The following TENM3 variants were observed in gnomAD, a reference collection of about 807,000 sequenced individuals.
TENM3 encodes teneurin transmembrane protein 3.
TENM3 carries 63 observed loss-of-function variants against 255.1 expected under a neutral mutation model. The observed-to-expected ratio is 0.25, with a 90% CI of 0.20 to 0.30. TENM3 has a LOEUF of 0.30. Among genes scored for constraint, TENM3 ranks in the 10% least tolerant of loss-of-function variants. The probability of loss-of-function intolerance (pLI) is 1.00; values close to 1 mark genes in which losing one functional copy is unlikely to be tolerated. For synonymous variants in TENM3, 1,306 were observed against 1,322.3 expected, an observed-to-expected ratio of 0.99 and a Z score of 0.27; for missense variants, 2,929 against 3,461.1, an observed-to-expected ratio of 0.85 and a Z score of 3.86.
At chr4:181,689,532 T>G in the TENM3 span, among the ~76,000 whole-genome samples, 1 of 152,144 alleles carries the variant, frequency 6.6e-6, no homozygotes, top group African/African-American at 2.4e-5. Context: ...CGGGGTACAA[T>G]TCTGGTGAAG....
chr4:182,720,451 A>T (rs1346697027), intron 13 of TENM3, among the ~76,000 whole-genome samples: 3 of 152,130 alleles, frequency 2.0e-5, no homozygotes, highest in Non-Finnish European at 2.9e-5. Flanking sequence ...ACAGTCTCAG[A>T]GCATTACCCT....
the TENM3 span, among the ~76,000 whole-genome samples, chr4:181,849,749 T>C: frequency 1.3e-5 from 2 of 152,232 alleles, no homozygotes; most frequent in African/African-American, 2.4e-5. Flanking sequence ...TCTTAGAAGA[T>C]TCTGAAATAC....
At chr4:182,770,343 C>T (rs917387013) in intron 22 of TENM3, among the ~76,000 whole-genome samples, 2 of 152,100 alleles carry the variant, frequency 1.3e-5, no homozygotes, top group Admixed American at 6.5e-5. Context: ...TTTAAACCTT[C>T]TTCAGCACCT....
chr4:182,116,870 C>T, the TENM3 span, among the ~76,000 whole-genome samples: 2 of 152,118 alleles, frequency 1.3e-5, no homozygotes, highest in African/African-American at 4.8e-5. Flanking sequence ...AAGAAATGAA[C>T]AAACTGTTTT....
intron 1 of TENM3, among the ~76,000 whole-genome samples, chr4:182,296,846 C>A (rs1761530312): frequency 6.6e-6 from 1 of 152,032 alleles, no homozygotes; most frequent in Admixed American, 6.5e-5. Context: ...TGCTAATTTG[C>A]CCTTAGTTTT....
intron 1 of TENM3, among the ~76,000 whole-genome samples, chr4:182,209,798 G>C (rs1442887648): frequency 6.6e-6 from 1 of 151,996 alleles, no homozygotes; most frequent in Non-Finnish European, 1.5e-5. Context: ...GCAGCCCGTG[G>C]GGGTACTGAT....
the TENM3 span, among the ~76,000 whole-genome samples, chr4:181,674,869 C>T: frequency 6.6e-6 from 1 of 152,054 alleles, no homozygotes; most frequent in African/African-American, 2.4e-5. Flanking sequence ...ATATGTATTG[C>T]ATAGTGATCA....
chr4:182,227,583 C>A (rs906492076), intron 1 of TENM3, among the ~76,000 whole-genome samples: 2 of 151,398 alleles, frequency 1.3e-5, no homozygotes, highest in African/African-American at 4.9e-5. Flanking sequence ...ATGAAACTAG[C>A]TACTAAGAAG....
the TENM3 span, among the ~76,000 whole-genome samples, chr4:181,539,419 T>A: frequency 2.6e-5 from 4 of 152,160 alleles, no homozygotes; most frequent in Admixed American, 2.6e-4. Context: ...CAAAAGTAAT[T>A]TTGAAAAATA....
chr4:182,027,571 C>T, the TENM3 span, among the ~76,000 whole-genome samples: 1 of 149,070 alleles, frequency 6.7e-6, no homozygotes, highest in Non-Finnish European at 1.5e-5. Context: ...AAAGGCTTTC[C>T]TTTTTTTTTT....
At chr4:181,546,657 C>A in the TENM3 span, among the ~76,000 whole-genome samples, 2 of 130,902 alleles carry the variant, frequency 1.5e-5, no homozygotes, top group South Asian at 2.7e-4. Flanking sequence ...GAGCTTGCAG[C>A]GAGCCGAGAT....
At chr4:182,593,764 C>T (rs538049339) in intron 3 of TENM3, among the ~76,000 whole-genome samples, 27 of 152,280 alleles carry the variant, frequency 1.8e-4, no homozygotes, top group Middle Eastern at 6.8e-3. Flanking sequence ...CCACATGAAC[C>T]GAGCACACAC....
the TENM3 span, among the ~76,000 whole-genome samples, chr4:181,475,166 T>C: frequency 6.6e-6 from 1 of 152,208 alleles, no homozygotes; most frequent in Admixed American, 6.5e-5. Flanking sequence ...ATCTCTAATA[T>C]ATGTCAATGA....
chr4:182,074,377 A>T, the TENM3 span, among the ~76,000 whole-genome samples: 37 of 152,282 alleles, frequency 2.4e-4, no homozygotes, highest in African/African-American at 8.9e-4. Context: ...TATAGCATCT[A>T]CCTGCCTTTG....
In TENM3 at chr4:182,735,640, G is replaced by GT. The variant is rs541897320; in HGVS notation, c.2968-1165dup. On this transcript the variant is annotated intron_variant, in intron 16 of 27. Coordinates refer to ENST00000511685, the MANE Select transcript of TENM3 (RefSeq NM_001080477.4). ...ATATAAGGAAGCCTTTGAGAGTACT[G>GT]TTTAATTCTTCGTGGAGAAAGTAGT... 3.0e-4 allele frequency among the ~76,000 whole-genome samples: 46 copies of GT among 152,312 alleles called. 2 individuals carry two copies. The South Asian group carries it at 9.3e-3, about 31-fold the overall frequency.
chr4:181,815,730 T>A, the TENM3 span, among the ~76,000 whole-genome samples: 1 of 152,148 alleles, frequency 6.6e-6, no homozygotes, highest in Admixed American at 6.6e-5. Context: ...GTTGCTTAGA[T>A]GAGATTTTCA....
the TENM3 span, among the ~76,000 whole-genome samples, chr4:181,775,165 G>C: frequency 0.062 from 9,511 of 152,226 alleles, 604 homozygotes; most frequent in African/African-American, 0.16. Flanking sequence ...ACAGGGCCGT[G>C]ACTCTCCTTT....
the TENM3 span, among the ~76,000 whole-genome samples, chr4:181,717,799 C>A: frequency 1.3e-5 from 2 of 152,084 alleles, no homozygotes; most frequent in Non-Finnish European, 2.9e-5. Flanking sequence ...GGCACAAAAA[C>A]CAATTCAATC....
the TENM3 span, among the ~76,000 whole-genome samples, chr4:181,770,322 T>G: frequency 6.6e-6 from 1 of 152,160 alleles, no homozygotes. Context: ...AAATTATGAT[T>G]AGATGCAATT....
Sources: allele counts gnomAD v4.1 joint callset (sites outside exome capture counted in the v4.1 genomes callset), GRCh38; gene constraint gnomAD v4.1.1; transcripts MANE v1.5; gene names NCBI Gene and HGNC (gene_info 2026-07-23, HGNC 2026-07-21).